Variants in ADAM10 observed in about 807,000 individuals in gnomAD.
ADAM10 encodes the protein ADAM metallopeptidase domain 10, also known as disintegrin and metalloproteinase domain-containing protein 10.
Under a neutral mutation model 90.1 loss-of-function variants are expected in ADAM10, and 17 were observed. That is an observed-to-expected ratio of 0.19 (90% CI 0.13 to 0.28). The LOEUF is 0.28. Among genes scored for constraint, ADAM10 ranks in the 10% least tolerant of loss-of-function variants. The pLI, the probability that ADAM10 is intolerant of heterozygous loss-of-function variation, is 1.00. For missense variants in ADAM10, 610 were observed against 914.3 expected, an observed-to-expected ratio of 0.67 and a Z score of 4.29; for synonymous variants, 310 against 298.6, an observed-to-expected ratio of 1.04 and a Z score of -0.40.
rs150028214 is a variant in ADAM10, at chr15:58,738,699, T to C, written c.55+10781A>G. On this transcript the variant is annotated intron_variant, in intron 1 of 15. Transcript: ENST00000260408. ...GAAAACACGAATGATTAAAATCTAT[T>C]GAATGTATTAAATTTATACCACTAA... Among the ~76,000 whole-genome samples, 14 of 152,364 alleles carry C rather than the reference T, an allele frequency of 9.2e-5. No individual in the cohort carries two copies. In the East Asian group the frequency reaches 2.7e-3, roughly 29 times the overall value.
rs78281584 is a variant in ADAM10, at chr15:58,741,490, AT to A, written c.55+7989del. ...CCAGTTCCCAAGTATTAGCATGCAA[AT>A]AAAATAAAATCCCAGACGCTGACAC... On this transcript the variant is annotated intron_variant, in intron 1 of 15. Transcript: ENST00000260408. Among the ~76,000 whole-genome samples the A allele has an allele frequency of 5.3e-5, 8 of 152,322 alleles. No homozygotes were observed. The East Asian group carries it at 1.5e-3, about 29-fold the overall frequency.
intron 5 of ADAM10, among the ~76,000 whole-genome samples, chr15:58,664,465 G>A (rs1897033758): frequency 6.6e-6 from 1 of 152,060 alleles, no homozygotes; most frequent in African/African-American, 2.4e-5. Context: ...AATTGTTTAT[G>A]CCATTTTACA....
At chr15:58,644,703 C>T (rs998424251) in intron 6 of ADAM10, among the ~76,000 whole-genome samples, 1 of 152,336 alleles carries the variant, frequency 6.6e-6, no homozygotes, top group East Asian at 1.9e-4. Flanking sequence ...GCTCAGGACA[C>T]ACAGTCATTC....
intron 4 of ADAM10, among the ~76,000 whole-genome samples, chr15:58,667,307 A>G (rs1009404798): frequency 2.4e-4 from 37 of 152,198 alleles, no homozygotes; most frequent in African/African-American, 8.4e-4. Context: ...AGCAGGAAAT[A>G]GCTCTAGTTA....
rs1167269174 is a variant in ADAM10 at position 58,729,999 on chromosome 15, C to CA, written c.56-12273dup. Among the ~76,000 whole-genome samples the CA allele has an allele frequency of 5.9e-4, 75 of 126,844 alleles. 1 individual carries two copies. The highest frequency in any genetic ancestry group is 1.9e-3 in the African/African-American group (64 of 33,030). 83.2% of individuals were successfully genotyped at this position (126,844 alleles called of 152,430 possible). A position where few individuals can be genotyped will look rare whatever the true frequency, so the allele number is the denominator to read the frequency against. On this transcript the variant is annotated intron_variant, in intron 1 of 15. Transcript: ENST00000260408. ...CAAAAACAAAAACAAAACAAACAAACAAACAAAAAAAAAAACTCATTGAAG... is the reference window on the plus strand; with the variant it reads ...CAAAAACAAAAACAAAACAAACAAACAAAACAAAAAAAAAAACTCATTGAAG...
In ADAM10 at chr15:58,655,652, G is replaced by GCATA. The variant is rs71116584; in HGVS notation, c.585+9441_585+9444dup. Among the ~76,000 whole-genome samples the GCATA allele has an allele frequency of 8.2e-4, 75 of 91,132 alleles. 4 individuals carry two copies. The highest frequency in any genetic ancestry group is 1.1e-3 in the Non-Finnish European group (53 of 48,892). 59.8% of individuals were successfully genotyped at this position (91,132 alleles called of 152,430 possible). ...ATCCTCTTGCTGAACTGATCCCTTT[G>GCATA]CATACATACATACATACATACATAC... On this transcript the variant is annotated intron_variant, in intron 5 of 15. Coordinates refer to ENST00000260408, the MANE Select transcript of ADAM10 (RefSeq NM_001110.4).
intron 14 of ADAM10, among the ~76,000 whole-genome samples, chr15:58,607,438 GTCT>G (rs1165437289): frequency 2.0e-5 from 3 of 152,142 alleles, no homozygotes; most frequent in Admixed American, 6.5e-5. Context: ...TTTATTGCAG[GTCT>G]TCTCACAAAT....
intron 1 of ADAM10, among the ~76,000 whole-genome samples, chr15:58,725,271 C>G (rs1232836686): frequency 6.6e-6 from 1 of 151,286 alleles, no homozygotes; most frequent in Non-Finnish European, 1.5e-5. Context: ...TAGTGCATGC[C>G]TGCAGTCCCA....
intron 2 of ADAM10, among the ~76,000 whole-genome samples, chr15:58,694,567 T>C (rs570277969): frequency 6.6e-6 from 1 of 152,034 alleles, no homozygotes; most frequent in Non-Finnish European, 1.5e-5. Flanking sequence ...AAAAAGCTTA[T>C]GACCCAGCAA....
At chr15:58,625,616 C>T (rs1596003894) in intron 10 of ADAM10, among the ~76,000 whole-genome samples, 7 of 152,276 alleles carry the variant, frequency 4.6e-5, no homozygotes, top group Admixed American at 1.3e-4. Flanking sequence ...CAAAGCAAAA[C>T]AAGCAATTGC....
At chr15:58,713,564 C>A (rs1898545371) in intron 2 of ADAM10, among the ~76,000 whole-genome samples, 1 of 152,142 alleles carries the variant, frequency 6.6e-6, no homozygotes, top group Admixed American at 6.5e-5. Flanking sequence ...TACAGCATTG[C>A]TAAGTGAGCA....
In ADAM10 at chr15:58,631,687, T is replaced by C. The variant is rs544537270; in HGVS notation, c.1176+1509A>G. Among the ~76,000 whole-genome samples, 4 of 152,308 alleles carry C rather than the reference T, an allele frequency of 2.6e-5. No individual in the cohort carries two copies. In the South Asian group the frequency reaches 6.2e-4, roughly 24 times the overall value. ...ACAAGTAGCTGGAGGAGTACTAAAA[T>C]TCCCCTGGTAAGGCCTGGAACCAAG... On this transcript the variant is annotated intron_variant, in intron 9 of 15. Coordinates refer to ENST00000260408, the MANE Select transcript of ADAM10 (RefSeq NM_001110.4).
At position 58,649,671 on chromosome 15, in the gene ADAM10, T is replaced by C. The variant is rs562101451; in HGVS notation, c.586-3467A>G. ...GAGAAATGAGCTGCCATGTTTACTG[T>C]TGCTTAAGAGTGATTAAACTTTTTC... On this transcript the variant is annotated intron_variant, in intron 5 of 15. Coordinates refer to ENST00000260408, the MANE Select transcript of ADAM10 (RefSeq NM_001110.4). 7.2e-5 allele frequency among the ~76,000 whole-genome samples: 11 copies of C among 152,342 alleles called. No individual in the cohort carries two copies. The East Asian group carries it at 2.1e-3, about 29-fold the overall frequency.
At chr15:58,634,203 C>T (rs926928045) in intron 8 of ADAM10, among the ~76,000 whole-genome samples, 6 of 151,514 alleles carry the variant, frequency 4.0e-5, no homozygotes, top group South Asian at 2.1e-4. Flanking sequence ...CCCAGCTACT[C>T]GGGCAGGAGA....
intron 9 of ADAM10, 53 bp from the exon 10 acceptor site, chr15:58,627,936 G>C (rs886140747): frequency 2.6e-6 from 4 of 1,545,122 alleles, no homozygotes; most frequent in African/African-American, 1.4e-5. Flanking sequence ...AAGGTTTTCA[G>C]GTCAACTGAT....
At chr15:58,693,421 C>T (rs1262478898) in intron 2 of ADAM10, among the ~76,000 whole-genome samples, 1 of 152,032 alleles carries the variant, frequency 6.6e-6, no homozygotes, top group African/African-American at 2.4e-5. Context: ...ATAGACAGAT[C>T]AATGAAATGA....
chr15:58,659,831 C>G (rs139807270), intron 5 of ADAM10, among the ~76,000 whole-genome samples: 1 of 152,098 alleles, frequency 6.6e-6, no homozygotes. Flanking sequence ...TGGATTCATG[C>G]CATTCTCCCG....
chr15:58,749,096 C>CGCTGCG (rs1318225988), intron 1 of ADAM10: 2 of 398,244 alleles, frequency 5.0e-6, no homozygotes, highest in Non-Finnish European at 8.8e-6. Flanking sequence ...CCGCCAGCCT[C>CGCTGCG]GCTGCGGCTG....
chr15:58,749,627 C>T lies in ADAM10; in HGVS notation c.-93G>A. The T allele has an allele frequency of 3.3e-6, 5 of 1,536,382 alleles. No homozygotes were observed. The highest frequency in any genetic ancestry group is 4.4e-6 in the Non-Finnish European group (5 of 1,137,986). The stretch of plus-strand genomic sequence containing the variant: ...GAAGCTGAAGGGGCTTGGTCCGGAG[C>T]CTCCACGGGAAGCCGGGACCTCCCC... On this transcript the variant is annotated 5_prime_UTR_variant, in exon 1 of 16. Transcript: ENST00000260408.
Sources: gnomAD v4.1 joint callset for allele counts (sites outside exome capture counted in the v4.1 genomes callset) on GRCh38, gnomAD v4.1.1 for gene constraint, MANE v1.5 for transcripts, NCBI Gene and HGNC (gene_info 2026-07-23, HGNC 2026-07-21) for gene names.